Variants in HSPA12A observed in about 807,000 individuals in gnomAD.
The protein encoded by HSPA12A is heat shock 70 kDa protein 12A.
Under a neutral mutation model 69.2 loss-of-function variants are expected in HSPA12A, and 28 were observed. The observed-to-expected ratio is 0.40, with a 90% confidence interval of 0.30 to 0.55. The LOEUF (loss-of-function observed/expected upper bound fraction) is 0.55, where lower values mean the gene tolerates loss of function less well. Ranked by LOEUF, HSPA12A falls within the 20% of genes least tolerant of loss-of-function variation. HSPA12A has a pLI of 0.38. For synonymous variants in HSPA12A, 345 were observed against 370.5 expected (o/e 0.93, Z 0.79); for missense variants, 686 against 900.7 (o/e 0.76, Z 3.05).
chr10:116,845,859 G>A (rs770758170), intron 1 of HSPA12A, among the ~76,000 whole-genome samples: 1 of 152,168 alleles, frequency 6.6e-6, no homozygotes, highest in African/African-American at 2.4e-5. Context: ...TGAAAAATAA[G>A]GAAGTGGAAT....
intron 1 of HSPA12A, among the ~76,000 whole-genome samples, chr10:116,846,815 G>A (rs1845896345): frequency 6.6e-6 from 1 of 152,136 alleles, no homozygotes; most frequent in Admixed American, 6.5e-5. Flanking sequence ...TTTCTATGCA[G>A]TTCTACAAAC....
At chr10:116,742,710 G>T, upstream of HSPA12A, 1 of 594,870 alleles carries the variant, frequency 1.7e-6, no homozygotes, top group Non-Finnish European at 2.1e-6. Flanking sequence ...CGGGCGCGGG[G>T]AACTGCCTGG....
rs553016609 is a variant in HSPA12A, at chr10:116,795,792, T to C, written c.91+39143A>G. 2.7e-5 allele frequency among the ~76,000 whole-genome samples: 4 copies of C among 150,536 alleles called. No individual in the cohort carries two copies. The South Asian group carries it at 8.3e-4, about 31-fold the overall frequency. On this transcript the variant is annotated intron_variant, in intron 2 of 12. Coordinates refer to the HSPA12A transcript ENST00000635765. ...ATCATATATTATTATTTATAAATTA[T>C]TATATACATAAATTCTCATTTCCAA...
At chr10:116,849,725 G>T (rs1190503064) in exon 1 of HSPA12A, 7 of 1,521,400 alleles carry the variant, frequency 4.6e-6, no homozygotes, top group Non-Finnish European at 6.2e-6. Flanking sequence ...ACGTCTACGG[G>T]CACCTGGTAG....
chr10:116,733,625 T>C (rs1436961004), intron 1 of HSPA12A, among the ~76,000 whole-genome samples: 2 of 152,194 alleles, frequency 1.3e-5, no homozygotes, highest in Non-Finnish European at 2.9e-5. Context: ...TTTCTGACAT[T>C]AAAATTCTGA....
At chr10:116,850,676 C>T (rs1846052547), upstream of HSPA12A, among the ~76,000 whole-genome samples, 1 of 151,972 alleles carries the variant, frequency 6.6e-6, no homozygotes, top group African/African-American at 2.4e-5. Flanking sequence ...GGATGTTCCG[C>T]GAATGACTTT....
At chr10:116,741,611 T>C in intron 1 of HSPA12A, among the ~76,000 whole-genome samples, 1 of 152,230 alleles carries the variant, frequency 6.6e-6, no homozygotes, top group East Asian at 1.9e-4. Context: ...GAAGCCTTGA[T>C]TTACAGCCCT....
intron 2 of HSPA12A, among the ~76,000 whole-genome samples, chr10:116,791,540 CAT>C: frequency 6.6e-6 from 1 of 152,300 alleles, no homozygotes; most frequent in Non-Finnish European, 1.5e-5. Context: ...TTGGAGTCCA[CAT>C]GTCTCAAATG....
chr10:116,702,304 C>T (rs1044716322), intron 3 of HSPA12A, among the ~76,000 whole-genome samples: 1 of 152,140 alleles, frequency 6.6e-6, no homozygotes, highest in Non-Finnish European at 1.5e-5. Flanking sequence ...GGCCATGTGA[C>T]CCCATGCACA....
chr10:116,677,169 G>A (rs746908025), intron 10 of HSPA12A, among the ~76,000 whole-genome samples: 17 of 152,304 alleles, frequency 1.1e-4, no homozygotes, highest in East Asian at 7.7e-4. Context: ...CTCCTTCACG[G>A]GGGTTGTTGT....
intron 2 of HSPA12A, among the ~76,000 whole-genome samples, chr10:116,764,182 T>C (rs1220347908): frequency 1.3e-5 from 2 of 152,330 alleles, no homozygotes; most frequent in East Asian, 3.9e-4. Context: ...GGCACTACTT[T>C]TATGGAAGCC....
At chr10:116,823,251 G>A (rs1043497374) in intron 2 of HSPA12A, among the ~76,000 whole-genome samples, 1 of 152,154 alleles carries the variant, frequency 6.6e-6, no homozygotes, top group East Asian at 1.9e-4. Flanking sequence ...TTTAACAAAA[G>A]CAGTGAAAAA....
chr10:116,834,150 G>C (rs1266261773), intron 2 of HSPA12A, among the ~76,000 whole-genome samples: 1 of 152,146 alleles, frequency 6.6e-6, no homozygotes, highest in Non-Finnish European at 1.5e-5. Flanking sequence ...AACATGACCA[G>C]CCCAACCTTC....
intron 1 of HSPA12A, among the ~76,000 whole-genome samples, chr10:116,730,939 G>A (rs782553156): frequency 1.3e-5 from 2 of 152,216 alleles, no homozygotes; most frequent in Admixed American, 1.3e-4. Flanking sequence ...CCCTCCCAAC[G>A]TTTCCTGGGG....
upstream of HSPA12A, among the ~76,000 whole-genome samples, chr10:116,743,451 G>A (rs1220255587): frequency 1.3e-5 from 2 of 152,228 alleles, no homozygotes; most frequent in Admixed American, 1.3e-4. Flanking sequence ...GCCTGGCACT[G>A]TGCTACCTGC....
intron 2 of HSPA12A, among the ~76,000 whole-genome samples, chr10:116,760,227 T>C (rs1843938661): frequency 6.6e-6 from 1 of 152,132 alleles, no homozygotes; most frequent in African/African-American, 2.4e-5. Flanking sequence ...CTGCCCCATA[T>C]CTTTCTAGTA....
At chr10:116,783,750 C>G (rs1867989) in intron 2 of HSPA12A, among the ~76,000 whole-genome samples, 152,274 of 152,362 alleles carry the variant, frequency 1, 76,093 homozygotes, top group Non-Finnish European at 1. Flanking sequence ...GTCTCACTCT[C>G]TTGCCCAGGC....
At chr10:116,816,990 G>A (rs1845318328) in intron 2 of HSPA12A, among the ~76,000 whole-genome samples, 1 of 152,126 alleles carries the variant, frequency 6.6e-6, no homozygotes, top group Non-Finnish European at 1.5e-5. Context: ...TATCAACTAT[G>A]CTGTCGAATG....
chr10:116,770,682 G>A (rs530379693), intron 2 of HSPA12A, among the ~76,000 whole-genome samples: 7 of 152,176 alleles, frequency 4.6e-5, no homozygotes, highest in South Asian at 2.1e-4. Flanking sequence ...CATGGCTGCC[G>A]GGTTGTCCCC....
Sources: allele counts gnomAD v4.1 joint callset (sites outside exome capture counted in the v4.1 genomes callset), GRCh38; gene constraint gnomAD v4.1.1; transcripts MANE v1.5; gene names NCBI Gene and HGNC (gene_info 2026-07-23, HGNC 2026-07-21).